Variants in EPSTI1 observed in about 807,000 individuals in gnomAD.
EPSTI1 encodes epithelial-stromal interaction protein 1.
A neutral mutation model predicts 49.9 loss-of-function variants in EPSTI1; 66 were observed. The observed-to-expected ratio is 1.32, with a 90% CI of 1.08 to 1.62. The LOEUF (loss-of-function observed/expected upper bound fraction) is 1.62, where lower values mean the gene tolerates loss of function less well. EPSTI1 is among the 40% of genes most tolerant of loss of function. EPSTI1 has a pLI of 0.00. For missense variants in EPSTI1, 394 were observed against 365.5 expected (o/e 1.08, Z -0.64); for synonymous variants, 137 against 130.7 (o/e 1.05, Z -0.33).
chr13:42,973,867 A>T (rs2039819623), intron 1 of EPSTI1, among the ~76,000 whole-genome samples: 1 of 152,228 alleles, frequency 6.6e-6, no homozygotes, highest in Non-Finnish European at 1.5e-5. Context: ...TATATATTTG[A>T]AAATGAGTCT....
At chr13:42,980,547 AACTT>A in intron 1 of EPSTI1, among the ~76,000 whole-genome samples, 2 of 152,248 alleles carry the variant, frequency 1.3e-5, no homozygotes, top group Non-Finnish European at 1.5e-5. Context: ...GGTCTCATAA[AACTT>A]ACTCACTTTC....
intron 9 of EPSTI1, among the ~76,000 whole-genome samples, chr13:42,896,587 C>G (rs1158273651): frequency 6.6e-6 from 1 of 152,212 alleles, no homozygotes; most frequent in African/African-American, 2.4e-5. Context: ...GTTCAAATTA[C>G]TATATCTTCA....
chr13:42,955,285 G>A (rs1028978505), intron 5 of EPSTI1, among the ~76,000 whole-genome samples: 2 of 152,120 alleles, frequency 1.3e-5, no homozygotes, highest in East Asian at 1.9e-4. Flanking sequence ...CTGGGGGGTC[G>A]TGGTGGATCT....
At chr13:42,973,180 T>C (rs1316070793) in intron 1 of EPSTI1, among the ~76,000 whole-genome samples, 2 of 152,222 alleles carry the variant, frequency 1.3e-5, no homozygotes, top group African/African-American at 2.4e-5. Flanking sequence ...TTCTACAATA[T>C]CTAATCTGGT....
rs567099067 is a variant in EPSTI1, at chr13:42,924,784, C to T, written c.657+1552G>A. On this transcript the variant is annotated intron_variant, in intron 7 of 10. Coordinates refer to ENST00000313624, the MANE Select transcript of EPSTI1 (RefSeq NM_033255.5). ...AGACTTTAGAACATCACATTAGAAG[C>T]AGAAAGAAAAAAATTAGGAAACAAC... Among the ~76,000 whole-genome samples, 134 of 152,168 alleles carry T rather than the reference C, an allele frequency of 8.8e-4. No homozygotes were observed. In the Middle Eastern group the frequency reaches 0.014, roughly 15 times the overall value.
intron 5 of EPSTI1, 56 bp downstream of exon 5, chr13:42,963,199 A>G: frequency 2.1e-6 from 3 of 1,411,436 alleles, no homozygotes; most frequent in Non-Finnish European, 3.0e-6. Context: ...AAAATCTTCT[A>G]CAACGAAACT....
chr13:42,964,712 T>C (rs2039556263), intron 3 of EPSTI1, among the ~76,000 whole-genome samples: 1 of 152,240 alleles, frequency 6.6e-6, no homozygotes, highest in East Asian at 1.9e-4. Flanking sequence ...ATACTATTTA[T>C]TGTTCTTTCC....
chr13:42,921,881 A>C (rs1273231685), intron 7 of EPSTI1, among the ~76,000 whole-genome samples: 2 of 152,064 alleles, frequency 1.3e-5, no homozygotes, highest in South Asian at 2.1e-4. Flanking sequence ...AAAAAAATCC[A>C]CAAGTTATCT....
At chr13:42,965,071 G>A (rs1210309925) in intron 3 of EPSTI1, among the ~76,000 whole-genome samples, 2 of 152,148 alleles carry the variant, frequency 1.3e-5, no homozygotes. Flanking sequence ...GTTTGGTGTT[G>A]GCCCTTTGAC....
At chr13:42,923,900 C>A (rs1053718117) in intron 7 of EPSTI1, among the ~76,000 whole-genome samples, 4 of 152,182 alleles carry the variant, frequency 2.6e-5, no homozygotes, top group Admixed American at 6.5e-5. Context: ...GAGGAAAAAT[C>A]TTTTCAGGAA....
At chr13:42,947,254 A>AAC (rs1344498248) in intron 6 of EPSTI1, among the ~76,000 whole-genome samples, 18 of 152,164 alleles carry the variant, frequency 1.2e-4, no homozygotes, top group African/African-American at 3.1e-4. Flanking sequence ...CTGTACTTTT[A>AAC]ACACATATCA....
At chr13:42,893,220 G>C (rs1287874975) in intron 10 of EPSTI1, among the ~76,000 whole-genome samples, 4 of 152,208 alleles carry the variant, frequency 2.6e-5, no homozygotes, top group Non-Finnish European at 4.4e-5. Flanking sequence ...GCTATCAACA[G>C]AATTTATGTT....
At chr13:42,953,915 T>C (rs112870441) in intron 6 of EPSTI1, 33 bp downstream of exon 6, 46 of 1,580,940 alleles carry the variant, frequency 2.9e-5, no homozygotes, top group African/African-American at 2.2e-4. Flanking sequence ...AATCTGCCTA[T>C]AAAGGCACGA....
In EPSTI1 at chr13:42,986,437, T is replaced by C. The variant is rs796133558; in HGVS notation, c.188+5541A>G. Among the ~76,000 whole-genome samples, 114 of 152,052 alleles carry C rather than the reference T, an allele frequency of 7.5e-4. 1 individual carries two copies. Among genetic ancestry groups the C allele is most frequent in the Admixed American group, 4.3e-3 (66 of 15,284 alleles). On this transcript the variant is annotated intron_variant, in intron 1 of 10. Coordinates refer to ENST00000313624, the MANE Select transcript of EPSTI1 (RefSeq NM_033255.5). ...GTAGCTAGAAAAACCAGCTATGCGATTGGGGGGTTAAAACTTTCAACCCCT... is the reference window on the plus strand; with the variant it reads ...GTAGCTAGAAAAACCAGCTATGCGACTGGGGGGTTAAAACTTTCAACCCCT...
chr13:42,941,891 T>C (rs2153425704), intron 6 of EPSTI1, among the ~76,000 whole-genome samples: 1 of 152,278 alleles, frequency 6.6e-6, no homozygotes, highest in East Asian at 1.9e-4. Context: ...TTAGCATTGT[T>C]ATTCAAATCC....
chr13:42,889,473 C>T (rs752305015), intron 10 of EPSTI1, among the ~76,000 whole-genome samples: 1 of 152,090 alleles, frequency 6.6e-6, no homozygotes, highest in Non-Finnish European at 1.5e-5. Flanking sequence ...TTCTGCCTTC[C>T]TCCTTGTTTA....
chr13:42,968,948 A>C (rs1460151545), intron 3 of EPSTI1, 146 bp downstream of exon 3: 1 of 722,194 alleles, frequency 1.4e-6, no homozygotes, highest in African/African-American at 2.0e-5. Flanking sequence ...ACACACACAC[A>C]CACACAATTA....
intron 6 of EPSTI1, among the ~76,000 whole-genome samples, chr13:42,946,746 G>A (rs1267814262): frequency 6.6e-6 from 1 of 152,146 alleles, no homozygotes; most frequent in Non-Finnish European, 1.5e-5. Context: ...CCACCCCTAT[G>A]TATTTTGAAG....
intron 1 of EPSTI1, among the ~76,000 whole-genome samples, chr13:42,990,414 G>A (rs2040172804): frequency 6.6e-6 from 1 of 152,126 alleles, no homozygotes; most frequent in Non-Finnish European, 1.5e-5. Flanking sequence ...TAATACTTAT[G>A]CGATGATATG....
Sources: gnomAD v4.1 joint callset for allele counts (sites outside exome capture counted in the v4.1 genomes callset) on GRCh38, gnomAD v4.1.1 for gene constraint, MANE v1.5 for transcripts, NCBI Gene and HGNC (gene_info 2026-07-23, HGNC 2026-07-21) for gene names.